Variants in HDX observed in about 807,000 individuals in gnomAD.
HDX encodes the protein chromosome X open reading frame 43.
HDX carries 19 observed loss-of-function variants against 45.2 expected under a neutral mutation model. That is an observed-to-expected ratio of 0.42 (90% CI 0.29 to 0.62). The LOEUF (loss-of-function observed/expected upper bound fraction) is 0.62. HDX is among the 20% of genes least tolerant of loss of function. The pLI is 0.20. For synonymous variants in HDX, 188 were observed against 172.8 expected, an observed-to-expected ratio of 1.09 and a Z score of -0.69; for missense variants, 532 against 493.9, an observed-to-expected ratio of 1.08 and a Z score of -0.73.
At chrX:84,362,720 C>T (rs745496892) in intron 5 of HDX, among the ~76,000 whole-genome samples, 1 of 110,970 alleles carries the variant, frequency 9.0e-6, no homozygotes, top group South Asian at 3.8e-4. Context: ...CTCAAATACT[C>T]CTTAGACATA....
At chrX:84,417,218 G>GAAAAAGAAAGAA (rs61537095) in intron 5 of HDX, among the ~76,000 whole-genome samples, 5,376 of 100,246 alleles carry the variant, frequency 0.054, 121 homozygotes, top group South Asian at 0.079. Context: ...AAAAAAAAGA[G>GAAAAAGAAAGAA]AGAAAGAAAG....
At chrX:84,354,607 A>G (rs1030259543) in intron 6 of HDX, among the ~76,000 whole-genome samples, 32 of 110,412 alleles carry the variant, frequency 2.9e-4, no homozygotes, top group Non-Finnish European at 5.5e-4. Context: ...ATAAGCAAAT[A>G]GAAAAACAAA....
chrX:84,450,725 A>C (rs947073986), intron 4 of HDX, among the ~76,000 whole-genome samples: 5 of 112,438 alleles, frequency 4.4e-5, no homozygotes, highest in African/African-American at 1.6e-4. Flanking sequence ...TATTTCATCA[A>C]ATGGCTACAG....
intron 3 of HDX, among the ~76,000 whole-genome samples, chrX:84,473,786 G>A (rs1324665531): frequency 9.1e-6 from 1 of 109,466 alleles, no homozygotes; most frequent in Non-Finnish European, 1.9e-5. Context: ...AAAAAAAAAA[G>A]CAGAGGAAAT....
chrX:84,395,905 T>C (rs916104961), intron 5 of HDX, among the ~76,000 whole-genome samples: 1 of 104,366 alleles, frequency 9.6e-6, no homozygotes, highest in East Asian at 2.9e-4. Flanking sequence ...AATTATTTAG[T>C]CCCAGAATTT....
At chrX:84,397,418 A>G (rs1307353540) in intron 5 of HDX, among the ~76,000 whole-genome samples, 1 of 111,891 alleles carries the variant, frequency 8.9e-6, no homozygotes, top group Non-Finnish European at 1.9e-5. Context: ...GGGCAGTGTC[A>G]TCATGTGGTC....
chrX:84,351,915 A>G (rs1478162723), intron 6 of HDX, among the ~76,000 whole-genome samples: 1 of 112,314 alleles, frequency 8.9e-6, no homozygotes, highest in Admixed American at 9.5e-5. Context: ...CGCAATTTTC[A>G]GAAAGACCAC....
intron 4 of HDX, among the ~76,000 whole-genome samples, chrX:84,452,244 A>T (rs1227839728): frequency 9.0e-6 from 1 of 111,318 alleles, no homozygotes; most frequent in Non-Finnish European, 1.9e-5. Context: ...AGATGACTTG[A>T]TCTTCTCTCT....
At chrX:84,359,208 C>T (rs1456786913) in intron 6 of HDX, among the ~76,000 whole-genome samples, 2 of 109,744 alleles carry the variant, frequency 1.8e-5, no homozygotes, top group Admixed American at 2.0e-4. Flanking sequence ...ATTTTAAGTT[C>T]TAGGATACAT....
At chrX:84,452,520 A>T (rs768098492) in intron 4 of HDX, among the ~76,000 whole-genome samples, 1 of 107,360 alleles carries the variant, frequency 9.3e-6, no homozygotes, top group African/African-American at 3.4e-5. Flanking sequence ...AAACAGAAGG[A>T]TCTCTTAAGC....
chrX:84,475,473 A>T (rs1338970934), intron 2 of HDX, 76 bp from the exon 3 acceptor site: 23 of 586,056 alleles, frequency 3.9e-5, no homozygotes, highest in Non-Finnish European at 5.4e-5. Flanking sequence ...CTATTTTTTT[A>T]ATACAATTTC....
chrX:84,449,103 C>T (rs1344199826), intron 4 of HDX, among the ~76,000 whole-genome samples: 1 of 108,425 alleles, frequency 9.2e-6, no homozygotes, highest in African/African-American at 3.3e-5. Flanking sequence ...TTTGAAATAA[C>T]CCAGTCAGAC....
intron 5 of HDX, among the ~76,000 whole-genome samples, chrX:84,432,421 G>T (rs2039525451): frequency 1.8e-5 from 2 of 111,929 alleles, no homozygotes; most frequent in African/African-American, 6.5e-5. Flanking sequence ...ATTGCTTTGG[G>T]CAGGTGGCCA....
At position 84,326,186 on chromosome X, in the gene HDX, G is replaced by T; in HGVS notation, c.1939C>A (p.Gln647Lys). ...TCTTTCCTGGGACCTACCTGCTGTT[G>T]TTCCTTATCATCAGCTTTCATTGCT... The part of the protein sequence containing the change: ...ILAMKADDKE[Q>K]QQALLSDLPP... The change falls in exon 10 of 11, where the codon CAA becomes AAA. Residue 647 changes from glutamine (Q) to lysine (K), a missense_variant. Coordinates refer to ENST00000373177, the MANE Select transcript of HDX (RefSeq NM_001177479.2). 8.3e-7 allele frequency: 1 copy of T among 1,208,071 alleles called. No individual in the cohort carries two copies. Among genetic ancestry groups the T allele is most frequent in the Non-Finnish European group, 1.1e-6 (1 of 892,623 alleles).
chrX:84,453,303 T>C (rs762521583), intron 4 of HDX, among the ~76,000 whole-genome samples: 1 of 112,073 alleles, frequency 8.9e-6, no homozygotes, highest in South Asian at 3.7e-4. Flanking sequence ...TTAATATCAC[T>C]GAAAGAGGCA....
chrX:84,476,141 G>A (rs1422439125), intron 2 of HDX, among the ~76,000 whole-genome samples: 1 of 111,348 alleles, frequency 9.0e-6, no homozygotes, highest in Non-Finnish European at 1.9e-5. Context: ...TTTTCTGCCA[G>A]TAGACAAAAT....
rs2147737301 is a variant in HDX at position 84,320,086 on chromosome X, A to C, written c.*1803T>G. ...TGAAGGCCTGGAATTTGTTCATGCT[A>C]CTTAATAAGTGGTTTCTAACTTCGT... On this transcript the variant is annotated 3_prime_UTR_variant, in exon 11 of 11. Coordinates refer to ENST00000373177, the MANE Select transcript of HDX (RefSeq NM_001177479.2). The C allele has an allele frequency of 9.0e-6, 1 of 111,174 alleles. No individual in the cohort carries two copies. Among genetic ancestry groups the C allele is most frequent in the African/African-American group, 3.3e-5 (1 of 30,720 alleles). 9.2% of individuals were successfully genotyped at this position (111,174 alleles called of 1,213,427 possible).
At chrX:84,473,031 AAAAG>A (rs1181129556) in intron 3 of HDX, among the ~76,000 whole-genome samples, 35 of 109,072 alleles carry the variant, frequency 3.2e-4, no homozygotes, top group Admixed American at 3.1e-3. Flanking sequence ...CATAGGAAAA[AAAAG>A]AAAGAAAAGT....
Position 84,318,912 on chromosome X carries a change from G to A in HDX, c.*2977C>T, listed in dbSNP as rs2036548278. On this transcript the variant is annotated 3_prime_UTR_variant, in exon 11 of 11. Transcript: ENST00000373177. ...CCAATTTTCTTTTAAGGTTTTCTTT[G>A]CATGTGCTAATTTTCCTATTCTCCA... 1 of 110,858 alleles carries A rather than the reference G, an allele frequency of 9.0e-6. No individual in the cohort carries two copies. Among genetic ancestry groups the A allele is most frequent in the Non-Finnish European group, 1.9e-5 (1 of 52,493 alleles). The allele number at this position is 110,858 out of a possible 1,213,427, so 9.1% of individuals were successfully genotyped here.
Sources: gnomAD v4.1 joint callset for allele counts (sites outside exome capture counted in the v4.1 genomes callset) on GRCh38, gnomAD v4.1.1 for gene constraint, MANE v1.5 for transcripts, NCBI Gene and HGNC (gene_info 2026-07-23, HGNC 2026-07-21) for gene names.